The following PCDHA1 variants were observed in gnomAD, a reference collection of about 807,000 sequenced individuals.
PCDHA1 encodes protocadherin alpha-1.
Under a neutral mutation model 61.3 loss-of-function variants are expected in PCDHA1, and 42 were observed. That is an observed-to-expected ratio of 0.69 (90% CI 0.54 to 0.89). The LOEUF (loss-of-function observed/expected upper bound fraction) is 0.89, where lower values mean the gene tolerates loss of function less well. PCDHA1 is among the 40% of genes least tolerant of loss of function. The probability of loss-of-function intolerance (pLI) is 0.00; values close to 1 mark genes in which losing one functional copy is unlikely to be tolerated. For synonymous variants in PCDHA1, 610 were observed against 553.8 expected, an observed-to-expected ratio of 1.10 and a Z score of -1.43; for missense variants, 1,256 against 1,235.3, an observed-to-expected ratio of 1.02 and a Z score of -0.25.
intron 1 of PCDHA1, chr5:140,836,570 G>C: frequency 1.2e-6 from 2 of 1,613,682 alleles, no homozygotes; most frequent in East Asian, 2.2e-5. Context: ...CGTCCTCTGA[G>C]GGCGCATGTA....
chr5:140,870,344 G>C, intron 1 of PCDHA1: 1 of 1,614,196 alleles, frequency 6.2e-7, no homozygotes, highest in Non-Finnish European at 8.5e-7. Flanking sequence ...GCCCTGGACC[G>C]CGAGAACGTG....
intron 1 of PCDHA1, among the ~76,000 whole-genome samples, chr5:140,912,832 TA>T (rs1188685241): frequency 1.3e-5 from 2 of 152,202 alleles, no homozygotes; most frequent in African/African-American, 2.4e-5. Context: ...TGAATTTTAT[TA>T]AATGCTTTTT....
intron 1 of PCDHA1, chr5:140,800,986 C>T (rs4151679): frequency 2.2e-6 from 3 of 1,364,326 alleles, no homozygotes; most frequent in Non-Finnish European, 2.8e-6. Context: ...ATATTTAATA[C>T]TTACACGTTT....
At chr5:140,877,127 A>G (rs2056869003) in intron 1 of PCDHA1, 1 of 1,613,602 alleles carries the variant, frequency 6.2e-7, no homozygotes, top group African/African-American at 1.3e-5. Flanking sequence ...GTGACGCTGC[A>G]GGTGTTCGTG....
At chr5:140,866,798 C>T (rs900250117) in intron 1 of PCDHA1, 1 of 152,110 alleles carries the variant, frequency 6.6e-6, no homozygotes, top group Non-Finnish European at 1.5e-5. Context: ...TAGTAAAAGT[C>T]AGGCACAAAG....
At chr5:140,791,219 T>G (rs1280897814) in intron 1 of PCDHA1, among the ~76,000 whole-genome samples, 2 of 152,226 alleles carry the variant, frequency 1.3e-5, no homozygotes, top group Admixed American at 6.5e-5. Context: ...TTTCTGTTAT[T>G]TTGAGGTAGC....
At chr5:140,882,039 TGA>T (rs781834736) in intron 1 of PCDHA1, 12 of 658,206 alleles carry the variant, frequency 1.8e-5, no homozygotes, top group Non-Finnish European at 2.9e-5. Flanking sequence ...ATATGAAGAC[TGA>T]GTCATACTTA....
intron 1 of PCDHA1, chr5:140,828,881 C>T: frequency 6.2e-7 from 1 of 1,614,208 alleles, no homozygotes; most frequent in African/African-American, 1.3e-5. Context: ...AGTTATCAGA[C>T]TGAATGCTTC....
At chr5:140,896,823 T>C (rs1248229696) in intron 1 of PCDHA1, among the ~76,000 whole-genome samples, 1 of 152,230 alleles carries the variant, frequency 6.6e-6, no homozygotes, top group Non-Finnish European at 1.5e-5. Context: ...ACTCTGTTCA[T>C]AGTTGTTTTT....
rs148067258 is a variant in PCDHA1 at position 140,850,948 on chromosome 5, G to A, written c.2394+62264G>A. The A allele has an allele frequency of 9.7e-3, 14,493 of 1,499,630 alleles. 1,246 individuals are homozygous for A. Among genetic ancestry groups the A allele is most frequent in the Non-Finnish European group, 0.01 (11,557 of 1,116,880 alleles). The allele number at this position is 1,499,630 out of a possible 1,614,324, so 92.9% of individuals were successfully genotyped here. On this transcript the variant is annotated intron_variant, in intron 1 of 3. Coordinates refer to ENST00000504120, the MANE Select transcript of PCDHA1 (RefSeq NM_018900.4). The stretch of plus-strand genomic sequence containing the variant: ...ATTTTTTTTCTTGAAAGATATTATC[G>A]ATTACTCCCAGGGGCCGTTCAAATA...
chr5:140,925,320 C>T (rs1201662507), intron 1 of PCDHA1, among the ~76,000 whole-genome samples: 1 of 152,016 alleles, frequency 6.6e-6, no homozygotes, highest in Non-Finnish European at 1.5e-5. Context: ...ACATATTGCA[C>T]CTGTATTAAA....
intron 3 of PCDHA1, among the ~76,000 whole-genome samples, chr5:141,009,358 C>G (rs993815936): frequency 8.5e-5 from 13 of 152,116 alleles, no homozygotes; most frequent in Admixed American, 6.6e-5. Flanking sequence ...ACTTGGGAGG[C>G]TAAGATGGGA....
chr5:140,946,731 G>T (rs1183627101), intron 1 of PCDHA1, among the ~76,000 whole-genome samples: 1 of 150,574 alleles, frequency 6.6e-6, no homozygotes, highest in African/African-American at 2.5e-5. Flanking sequence ...AATAAGCCAG[G>T]CACAGAAAGA....
chr5:140,880,419 G>A (rs1554171271), intron 1 of PCDHA1, among the ~76,000 whole-genome samples: 2 of 152,106 alleles, frequency 1.3e-5, no homozygotes, highest in Non-Finnish European at 2.9e-5. Context: ...TTAAAAGCGG[G>A]AACAGTTTTT....
At chr5:141,000,757 C>A (rs1236279352) in intron 3 of PCDHA1, among the ~76,000 whole-genome samples, 1 of 151,158 alleles carries the variant, frequency 6.6e-6, no homozygotes, top group Non-Finnish European at 1.5e-5. Flanking sequence ...AAAAAAAAAT[C>A]TTAGCCAGGC....
chr5:140,822,473 A>T (rs2150116639), intron 1 of PCDHA1: 6 of 1,613,830 alleles, frequency 3.7e-6, no homozygotes, highest in Middle Eastern at 3.3e-4. Flanking sequence ...AATGTATTGG[A>T]TGCTAATGAT....
chr5:140,868,952 C>A, intron 1 of PCDHA1: 7 of 1,342,044 alleles, frequency 5.2e-6, no homozygotes, highest in Non-Finnish European at 7.0e-6. Context: ...CAGTGAGGCA[C>A]TCCCATACAA....
intron 1 of PCDHA1, chr5:140,822,338 C>T (rs1440067593): frequency 1.9e-6 from 3 of 1,613,934 alleles, no homozygotes; most frequent in African/African-American, 1.3e-5. Flanking sequence ...GAAGAAGAAA[C>T]GAACTTTTTA....
chr5:140,809,401 G>T, intron 1 of PCDHA1: 3 of 1,614,182 alleles, frequency 1.9e-6, no homozygotes, highest in Non-Finnish European at 2.5e-6. Context: ...GCAAGCCCAC[G>T]CTGGTGTGCT....
Sources: allele counts gnomAD v4.1 joint callset (sites outside exome capture counted in the v4.1 genomes callset), GRCh38; gene constraint gnomAD v4.1.1; transcripts MANE v1.5; gene names NCBI Gene and HGNC (gene_info 2026-07-23, HGNC 2026-07-21).